The following SLC39A12 variants were observed in gnomAD, a reference collection of about 807,000 sequenced individuals.
The protein encoded by SLC39A12 is solute carrier family 39 member 12.
A neutral mutation model predicts 71.1 loss-of-function variants in SLC39A12; 63 were observed. The ratio of observed to expected loss-of-function variants is 0.89; its 90% CI spans 0.72 to 1.09. The LOEUF is 1.09. SLC39A12 is among the 50% of genes least tolerant of loss of function. SLC39A12 has a pLI of 0.00. For missense variants in SLC39A12, 892 were observed against 812.6 expected, an observed-to-expected ratio of 1.10 and a Z score of -1.19; for synonymous variants, 351 against 301.3, an observed-to-expected ratio of 1.16 and a Z score of -1.71.
intron 12 of SLC39A12, among the ~76,000 whole-genome samples, chr10:18,039,297 G>A (rs1837153709): frequency 6.6e-6 from 1 of 152,198 alleles, no homozygotes; most frequent in Admixed American, 6.5e-5. Flanking sequence ...GTTTGAGCCT[G>A]TAAATGACCA....
At chr10:17,959,490 C>G (rs1834631912) in intron 2 of SLC39A12, among the ~76,000 whole-genome samples, 1 of 152,126 alleles carries the variant, frequency 6.6e-6, no homozygotes, top group African/African-American at 2.4e-5. Context: ...GGTTGTACAG[C>G]AGACCTTGAA....
At chr10:18,031,114 G>T (rs1338329760) in intron 12 of SLC39A12, among the ~76,000 whole-genome samples, 1,595 of 146,324 alleles carry the variant, frequency 0.011, 22 homozygotes, top group African/African-American at 0.036. Flanking sequence ...ACATACGTGT[G>T]CATGTGTCTT....
intron 1 of SLC39A12, among the ~76,000 whole-genome samples, chr10:17,952,592 A>G (rs1834431913): frequency 6.6e-6 from 1 of 150,818 alleles, no homozygotes; most frequent in Non-Finnish European, 1.5e-5. Flanking sequence ...GGTTCAAGCA[A>G]TTCTTCTGCC....
chr10:17,987,462 G>A lies in SLC39A12; in HGVS notation c.1097-17G>A, dbSNP rs777517412. 5.6e-6 allele frequency: 9 copies of A among 1,612,432 alleles called. No homozygotes were observed. The highest frequency in any genetic ancestry group is 2.2e-5 in the East Asian group (1 of 44,868). ...GGCACTGGGCACTGACTGTGTTTACGATCTCCTTTGACTTAGAATACGGCT... is the reference window on the plus strand; with the variant it reads ...GGCACTGGGCACTGACTGTGTTTACAATCTCCTTTGACTTAGAATACGGCT... On this transcript the variant is annotated splice_polypyrimidine_tract_variant and intron_variant, in intron 6 of 12. Transcript: ENST00000377369.
At chr10:17,986,599 C>T (rs1349871567) in intron 6 of SLC39A12, among the ~76,000 whole-genome samples, 1 of 152,248 alleles carries the variant, frequency 6.6e-6, no homozygotes, top group African/African-American at 2.4e-5. Context: ...TAATACCACC[C>T]ACCACCTTGG....
intron 5 of SLC39A12, among the ~76,000 whole-genome samples, chr10:17,980,415 C>G (rs1228760988): frequency 2.0e-5 from 3 of 152,176 alleles, no homozygotes; most frequent in East Asian, 3.9e-4. Flanking sequence ...CCTTACTGAT[C>G]GCAACTAAAG....
chr10:17,953,541 A>T lies in SLC39A12; in HGVS notation c.261+4A>T. On this transcript the variant is annotated splice_donor_region_variant and intron_variant, in intron 2 of 12. Transcript: ENST00000377369. The stretch of plus-strand genomic sequence containing the variant: ...AATGCAAGGAGATTGCAATCTGGTT[A>T]GTGAAATAGAATGGGGTCAGGTATC... 1.2e-6 allele frequency: 2 copies of T among 1,613,888 alleles called. No homozygotes were observed. The highest frequency in any genetic ancestry group is 1.7e-6 in the Non-Finnish European group (2 of 1,179,874).
chr10:17,987,126 C>T (rs543364849), intron 6 of SLC39A12, among the ~76,000 whole-genome samples: 7 of 152,144 alleles, frequency 4.6e-5, no homozygotes, highest in East Asian at 1.9e-4. Flanking sequence ...TCCAGGAGTT[C>T]GAGACCAGCC....
chr10:18,025,585 A>AGTGT (rs1836655018), intron 12 of SLC39A12, among the ~76,000 whole-genome samples: 1 of 152,208 alleles, frequency 6.6e-6, no homozygotes, highest in African/African-American at 2.4e-5. Context: ...ATGGCTGCAT[A>AGTGT]GTATTCCATG....
rs782726108 is a variant in SLC39A12 at position 17,953,424 on chromosome 10, C to A, written c.148C>A (p.Leu50Ile). 3.1e-6 allele frequency: 5 copies of A among 1,614,220 alleles called. No individual in the cohort carries two copies. The Admixed American group carries it at 8.3e-5, about 27-fold the overall frequency. Residue 50 changes from leucine (L) to isoleucine (I), a missense_variant, in exon 2 of 13, where the codon CTC becomes ATC. Transcript: ENST00000377369. ...CCAACCGGCAGACCTGCTACAGGTT[C>A]TCTCTGCTGGTGACCACCCACCCCA... ...SGQPADLLQV[L>I]SAGDHPPHNH...
intron 4 of SLC39A12, among the ~76,000 whole-genome samples, chr10:17,967,960 G>A (rs1234451318): frequency 6.7e-6 from 1 of 148,888 alleles, no homozygotes; most frequent in African/African-American, 2.5e-5. Flanking sequence ...GGCATTTGTT[G>A]TTATGTTTAT....
chr10:17,957,981 C>T (rs1260458200), intron 2 of SLC39A12, among the ~76,000 whole-genome samples: 7 of 152,212 alleles, frequency 4.6e-5, no homozygotes, highest in Non-Finnish European at 7.3e-5. Context: ...ACCAAAATCT[C>T]TGTTCCGACA....
intron 12 of SLC39A12, among the ~76,000 whole-genome samples, chr10:18,026,761 C>A (rs1032678306): frequency 1.3e-5 from 2 of 152,082 alleles, no homozygotes; most frequent in Admixed American, 1.3e-4. Flanking sequence ...TTTGTAAAAT[C>A]CTCAAGCTCA....
In SLC39A12 at chr10:17,991,190, C is replaced by A; in HGVS notation, c.1309C>A (p.His437Asn). 1 of 1,570,940 alleles carries A rather than the reference C, an allele frequency of 6.4e-7. No homozygotes were observed. The highest frequency in any genetic ancestry group is 8.6e-7 in the Non-Finnish European group (1 of 1,163,558). The stretch of plus-strand genomic sequence containing the variant: ...TAAGCAGGAAGCCCCAGAATTTGGG[C>A]ATTTCCATGAAAGCAAAGGTCATAT... ...LHKQEAPEFG[H>N]FHESKGHIWK... The change falls in exon 8 of 13, where the codon CAT becomes AAT. Residue 437 changes from histidine (H) to asparagine (N), a missense_variant. Physicochemically the swap from His to Asn is moderately conservative, Grantham distance 68. Coordinates refer to ENST00000377369, the MANE Select transcript of SLC39A12 (RefSeq NM_001145195.2).
intron 4 of SLC39A12, among the ~76,000 whole-genome samples, chr10:17,969,762 C>G (rs529172382): frequency 1.3e-4 from 20 of 152,150 alleles, no homozygotes; most frequent in Non-Finnish European, 2.5e-4. Context: ...TTTGTTGTTT[C>G]TTTTGCTGTG....
chr10:18,014,162 G>A (rs1836312764), intron 12 of SLC39A12, among the ~76,000 whole-genome samples: 1 of 151,962 alleles, frequency 6.6e-6, no homozygotes, highest in Non-Finnish European at 1.5e-5. Context: ...CAGTACACAA[G>A]TCTTTCACTT....
intron 4 of SLC39A12, among the ~76,000 whole-genome samples, chr10:17,973,256 C>T (rs1398765451): frequency 6.6e-6 from 1 of 152,062 alleles, no homozygotes; most frequent in African/African-American, 2.4e-5. Context: ...AGTCTTCCTA[C>T]TTAGGATGGG....
chr10:18,040,271 C>T (rs1242066655), intron 12 of SLC39A12, among the ~76,000 whole-genome samples: 1 of 152,080 alleles, frequency 6.6e-6, no homozygotes, highest in African/African-American at 2.4e-5. Context: ...GGCATAAAGA[C>T]ACCAAAAGAG....
intron 12 of SLC39A12, among the ~76,000 whole-genome samples, chr10:18,034,772 G>T (rs1836950586): frequency 6.6e-6 from 1 of 150,996 alleles, no homozygotes; most frequent in Admixed American, 6.6e-5. Flanking sequence ...GCATGATTTT[G>T]CAGCGGCTGG....
Sources: gnomAD v4.1 joint callset for allele counts (sites outside exome capture counted in the v4.1 genomes callset) on GRCh38, gnomAD v4.1.1 for gene constraint, MANE v1.5 for transcripts, NCBI Gene and HGNC (gene_info 2026-07-23, HGNC 2026-07-21) for gene names.